FBXL13: variants seen among roughly 807,000 people sequenced by gnomAD.
The protein encoded by FBXL13 is F-box and leucine-rich repeat protein 13.
In FBXL13, 67 loss-of-function variants were observed where a neutral mutation model predicts 83.6. The observed-to-expected ratio is 0.80, with a 90% CI of 0.66 to 0.98. The LOEUF is 0.98. FBXL13 is among the 50% of genes least tolerant of loss of function. The probability of loss-of-function intolerance (pLI) is 0.00; values close to 1 mark genes in which losing one functional copy is unlikely to be tolerated. For synonymous variants in FBXL13, 272 were observed against 299.5 expected (o/e 0.91, Z 0.95); for missense variants, 822 against 866.5 (o/e 0.95, Z 0.64).
intron 10 of FBXL13, among the ~76,000 whole-genome samples, chr7:102,915,987 T>C (rs1470733970): frequency 6.6e-6 from 1 of 151,306 alleles, no homozygotes; most frequent in Non-Finnish European, 1.5e-5. Flanking sequence ...GTTTCTTCTT[T>C]TTTTTTTTTT....
chr7:103,050,373 G>A (rs891574417), intron 2 of FBXL13, among the ~76,000 whole-genome samples: 7 of 152,096 alleles, frequency 4.6e-5, no homozygotes, highest in Non-Finnish European at 1.0e-4. Context: ...CCACACCATC[G>A]CCCTGGGGGC....
At chr7:102,855,007 T>G (rs915794945) in intron 16 of FBXL13, 147 bp from the exon 18 acceptor site, 21 of 476,346 alleles carry the variant, frequency 4.4e-5, no homozygotes, top group Non-Finnish European at 5.1e-5. Flanking sequence ...TCTTTACACT[T>G]AACAAATCGT....
chr7:102,942,809 T>C (rs1300471606), intron 8 of FBXL13, among the ~76,000 whole-genome samples: 1 of 152,198 alleles, frequency 6.6e-6, no homozygotes, highest in Non-Finnish European at 1.5e-5. Flanking sequence ...TATGACCACA[T>C]ATTTTCCTAA....
intron 6 of FBXL13, among the ~76,000 whole-genome samples, chr7:103,007,868 T>C (rs1585329865): frequency 6.6e-6 from 1 of 152,154 alleles, no homozygotes; most frequent in South Asian, 2.1e-4. Flanking sequence ...GTGGAAAGGA[T>C]ATCCAATCAG....
intron 11 of FBXL13, among the ~76,000 whole-genome samples, chr7:102,891,084 G>A (rs1245323346): frequency 6.6e-6 from 1 of 152,170 alleles, no homozygotes; most frequent in African/African-American, 2.4e-5. Context: ...TGCACCACAA[G>A]CATCTTTAAT....
intron 17 of FBXL13, among the ~76,000 whole-genome samples, chr7:102,842,984 G>A (rs187399833): frequency 6.6e-5 from 10 of 152,276 alleles, no homozygotes; most frequent in Admixed American, 4.6e-4. Flanking sequence ...CATGGCTGCC[G>A]CCCTTCCCAG....
chr7:102,891,906 A>G (rs1437745211), intron 11 of FBXL13, among the ~76,000 whole-genome samples: 2 of 152,218 alleles, frequency 1.3e-5, no homozygotes, highest in Non-Finnish European at 2.9e-5. Context: ...TGTATTACTG[A>G]GAAAATCACA....
rs764966360 is a variant in FBXL13, at chr7:102,980,529, G to A, written c.496-12412C>T. Among the ~76,000 whole-genome samples the A allele has an allele frequency of 5.3e-5, 8 of 152,296 alleles. No homozygotes were observed. In the South Asian group the frequency reaches 1.4e-3, roughly 28 times the overall value. ...GCGGTGGCTTACGCCTGTAATCCCA[G>A]CACTTTGCGAGGCTGAGGCAGGCGA... On this transcript the variant is annotated intron_variant, in intron 6 of 19. Coordinates refer to ENST00000313221, the Ensembl canonical transcript of FBXL13.
At chr7:103,021,191 C>A (rs201432689) in intron 6 of FBXL13, among the ~76,000 whole-genome samples, 16 of 152,126 alleles carry the variant, frequency 1.1e-4, no homozygotes, top group African/African-American at 3.6e-4. Flanking sequence ...TATCTACAAC[C>A]ATCTGATCTT....
At chr7:102,909,708 G>A (rs1814338342) in intron 11 of FBXL13, among the ~76,000 whole-genome samples, 1 of 152,164 alleles carries the variant, frequency 6.6e-6, no homozygotes, top group Admixed American at 6.5e-5. Context: ...TGGAACGAGG[G>A]CCTTATGACT....
At chr7:102,914,342 G>A (rs554064686) in intron 10 of FBXL13, among the ~76,000 whole-genome samples, 4 of 152,310 alleles carry the variant, frequency 2.6e-5, no homozygotes, top group East Asian at 1.9e-4. Context: ...CAAAGTGCTC[G>A]GAACAGGCAT....
At position 102,982,929 on chromosome 7, in the gene FBXL13, T is replaced by C. The variant is rs543955055; in HGVS notation, c.496-14812A>G. Among the ~76,000 whole-genome samples, 31 of 152,334 alleles carry C rather than the reference T, an allele frequency of 2.0e-4. 1 individual carries two copies. The East Asian group carries it at 5.8e-3, about 28-fold the overall frequency. ...AACTCATGTGAATAAACTCAGCGTC[T>C]TCCAACTTTATCTTCTTTCTACCAT... On this transcript the variant is annotated intron_variant, in intron 6 of 19. Coordinates refer to ENST00000313221, the Ensembl canonical transcript of FBXL13.
intron 6 of FBXL13, among the ~76,000 whole-genome samples, chr7:103,024,857 A>ATATATTTT (rs1298384907): frequency 9.5e-5 from 6 of 62,844 alleles, no homozygotes; most frequent in African/African-American, 2.7e-4. Context: ...ATATATATAT[A>ATATATTTT]TTTTTTTTTT....
chr7:102,973,428 T>G lies in FBXL13; in HGVS notation c.496-5311A>C, dbSNP rs151119803. The G allele has an allele frequency of 5.0e-3, 3,547 of 711,492 alleles. 20 individuals carry two copies. The highest frequency in any genetic ancestry group is 0.022 in the Middle Eastern group (62 of 2,794). The allele number at this position is 711,492 out of a possible 1,614,324, so 44.1% of individuals were successfully genotyped here. A position where few individuals can be genotyped will look rare whatever the true frequency, so the allele number is the denominator to read the frequency against. Reference sequence around the variant, plus strand: ...ATCTGGGTACCACATAGCAGTTACATCAGACTGGGACAATTCCTGTTTACG... The same window carrying G: ...ATCTGGGTACCACATAGCAGTTACAGCAGACTGGGACAATTCCTGTTTACG... On this transcript the variant is annotated intron_variant, in intron 6 of 19. Transcript: ENST00000313221.
At chr7:102,963,779 A>C in intron 7 of FBXL13, 114 bp from the exon 9 acceptor site, 1 of 972,846 alleles carries the variant, frequency 1.0e-6, no homozygotes, top group Non-Finnish European at 1.5e-6. Context: ...TCTGTACAGC[A>C]AAAGAAACTA....
At chr7:102,986,668 T>C (rs774286876) in intron 6 of FBXL13, among the ~76,000 whole-genome samples, 13 of 152,102 alleles carry the variant, frequency 8.5e-5, no homozygotes, top group Non-Finnish European at 1.8e-4. Flanking sequence ...GAATTGAATG[T>C]GATGATTGAG....
intron 6 of FBXL13, among the ~76,000 whole-genome samples, chr7:103,024,719 G>A (rs112305119): frequency 4.0e-5 from 6 of 149,200 alleles, no homozygotes; most frequent in African/African-American, 1.5e-4. Context: ...CAAGATAGGA[G>A]CAGGTAATTT....
intron 14 of FBXL13, among the ~76,000 whole-genome samples, chr7:102,881,388 G>C (rs1810036588): frequency 7.6e-6 from 1 of 130,906 alleles, no homozygotes; most frequent in Admixed American, 9.2e-5. Flanking sequence ...AGTGAGCCAA[G>C]ATTGCACCAC....
intron 10 of FBXL13, among the ~76,000 whole-genome samples, chr7:102,917,877 G>A (rs897714284): frequency 2.6e-5 from 4 of 152,088 alleles, no homozygotes; most frequent in East Asian, 1.9e-4. Context: ...GTTTAGTTCC[G>A]GAAACATTTA....
Sources: allele counts gnomAD v4.1 joint callset (sites outside exome capture counted in the v4.1 genomes callset), GRCh38; gene constraint gnomAD v4.1.1; transcripts MANE v1.5; gene names NCBI Gene and HGNC (gene_info 2026-07-23, HGNC 2026-07-21).